The following RIF1 variants were observed in gnomAD, a reference collection of about 807,000 sequenced individuals.
RIF1 encodes telomere-associated protein RIF1.
A neutral mutation model predicts 247.1 loss-of-function variants in RIF1; 45 were observed. The observed-to-expected ratio is 0.18, with a 90% CI of 0.14 to 0.23. The LOEUF (loss-of-function observed/expected upper bound fraction) is 0.23. Ranked by LOEUF, RIF1 falls within the 10% of genes least tolerant of loss-of-function variation. The probability of loss-of-function intolerance (pLI) is 1.00; values close to 1 mark genes in which losing one functional copy is unlikely to be tolerated. For synonymous variants in RIF1, 1,087 were observed against 978.8 expected (o/e 1.11, Z -2.06); for missense variants, 2,967 against 2,862.5 (o/e 1.04, Z -0.83).
intron 15 of RIF1, among the ~76,000 whole-genome samples, chr2:151,440,374 A>T (rs930164300): frequency 2.6e-5 from 4 of 152,224 alleles, no homozygotes; most frequent in Admixed American, 2.0e-4. Context: ...CGCCATACAG[A>T]GAAAAACTAG....
intron 34 of RIF1, among the ~76,000 whole-genome samples, chr2:151,470,097 A>C (rs1574163846): frequency 6.6e-6 from 1 of 152,068 alleles, no homozygotes; most frequent in Non-Finnish European, 1.5e-5. Flanking sequence ...CATGGCTGCT[A>C]CTGCTAAAAC....
At position 151,463,853 on chromosome 2, in the gene RIF1, A is replaced by C. The variant is rs750471628; in HGVS notation, c.4333A>C (p.Lys1445Gln). Reference protein sequence around the residue: ...ENSHQKKERRKEEEKPLQKSP... With the variant: ...ENSHQKKERRQEEEKPLQKSP... ...TAGTCATCAAAAAAAGGAACGACGT[A>C]AGGAAGAAGAAAAACCTCTTCAGAA... Residue 1445 changes from lysine to glutamine, a missense_variant, in exon 30 of 36, where the codon AAG (lysine) becomes CAG (glutamine). Transcript: ENST00000444746. The C allele has an allele frequency of 6.1e-5, 98 of 1,612,456 alleles. No individual in the cohort carries two copies. Among genetic ancestry groups the C allele is most frequent in the Non-Finnish European group, 7.7e-5 (91 of 1,179,716 alleles).
At chr2:151,519,776 C>G in the RIF1 span, 1 of 1,526,718 alleles carries the variant, frequency 6.5e-7, no homozygotes, top group South Asian at 1.1e-5. Context: ...AACCTAACAG[C>G]AAATGCAAAC....
intron 25 of RIF1, among the ~76,000 whole-genome samples, chr2:151,459,237 T>C (rs1695729960): frequency 1.3e-5 from 2 of 152,228 alleles, no homozygotes; most frequent in Non-Finnish European, 2.9e-5. Flanking sequence ...CTGTTCATTT[T>C]CTTATTTTTA....
chr2:151,471,171 TG>T (rs1288586896), intron 34 of RIF1, among the ~76,000 whole-genome samples: 1 of 152,194 alleles, frequency 6.6e-6, no homozygotes, highest in Non-Finnish European at 1.5e-5. Flanking sequence ...TGTGATCTTT[TG>T]TGAATGGCTT....
At chr2:151,419,069 C>G (rs1026877810) in intron 6 of RIF1, among the ~76,000 whole-genome samples, 1 of 150,950 alleles carries the variant, frequency 6.6e-6, no homozygotes, top group Non-Finnish European at 1.5e-5. Context: ...TCTACTGTCT[C>G]CCACCTCCAC....
chr2:151,450,119 G>C (rs1359540572), intron 20 of RIF1, among the ~76,000 whole-genome samples: 1 of 152,048 alleles, frequency 6.6e-6, no homozygotes, highest in African/African-American at 2.4e-5. Flanking sequence ...TGGGATTACA[G>C]GTGTGAGCCA....
rs16830125 is a variant in RIF1, at chr2:151,504,160, A to G, written c.*861+975A>G. ...AGTTTTCAGCCTAAAGGACTGAATGAGTTCTTTTAAATGGATGGATTCCCT... is the reference window on the plus strand; with the variant it reads ...AGTTTTCAGCCTAAAGGACTGAATGGGTTCTTTTAAATGGATGGATTCCCT... On this transcript the variant is annotated intron_variant and NMD_transcript_variant, in intron 12 of 13. Coordinates refer to the RIF1 transcript ENST00000454583. 0.019 allele frequency among the ~76,000 whole-genome samples: 2,859 copies of G among 152,226 alleles called. 151 individuals are homozygous for G. In the East Asian group the frequency reaches 0.19, roughly 10 times the overall value.
intron 3 of RIF1, among the ~76,000 whole-genome samples, chr2:151,411,656 C>T: frequency 6.6e-6 from 1 of 152,184 alleles, no homozygotes; most frequent in East Asian, 1.9e-4. Flanking sequence ...CTGCCTCAGC[C>T]TCCCAAAGTG....
Position 151,503,312 on chromosome 2 carries a change from T to A in RIF1, c.*861+127T>A, listed in dbSNP as rs997022735. 4 of 1,459,588 alleles carry A rather than the reference T, an allele frequency of 2.7e-6. No individual in the cohort carries two copies. The African/African-American group carries it at 5.6e-5, about 21-fold the overall frequency. 90.4% of individuals were successfully genotyped at this position (1,459,588 alleles called of 1,614,324 possible). A position where few individuals can be genotyped will look rare whatever the true frequency, so the allele number is the denominator to read the frequency against. ...ATGGGTTATTGTGGTAAATTTTTTATGGGAAATAGTTTCTTATATGATATA... is the reference window on the plus strand; with the variant it reads ...ATGGGTTATTGTGGTAAATTTTTTAAGGGAAATAGTTTCTTATATGATATA... On this transcript the variant is annotated intron_variant and NMD_transcript_variant, in intron 12 of 13. Transcript: ENST00000454583.
At position 151,420,263 on chromosome 2, in the gene RIF1, G is replaced by A. The variant is rs143079029; in HGVS notation, c.577G>A (p.Val193Ile). The A allele has an allele frequency of 5.3e-4, 849 of 1,614,130 alleles. 5 individuals carry two copies. In the African/African-American group the frequency reaches 0.01, roughly 20 times the overall value. Residue 193 changes from valine to isoleucine, a missense_variant, in exon 7 of 36, where the codon GTT becomes ATT. Physicochemically the swap from Val to Ile is conservative, Grantham distance 29. This residue lies in a region of RIF1 where 269 missense variants were observed against 288.6 expected (regional missense o/e 0.93). Coordinates refer to ENST00000444746, the MANE Select transcript of RIF1 (RefSeq NM_018151.5). ...RWAKLVIPLVVHSAQKVHLRG... is the reference protein window; with the variant it reads ...RWAKLVIPLVIHSAQKVHLRG... ...GGCAAAACTGGTCATACCTTTAGTG[G>A]TTCATTCAGCACAAAAGGTACATTT... is the stretch of plus-strand genomic sequence containing the variant.
chr2:151,442,744 A>G (rs1692553911), intron 16 of RIF1, among the ~76,000 whole-genome samples: 1 of 146,146 alleles, frequency 6.8e-6, no homozygotes, highest in African/African-American at 2.5e-5. Flanking sequence ...GGAAACAGCT[A>G]TGATTAGACT....
At chr2:151,419,564 T>A (rs962557774) in intron 6 of RIF1, among the ~76,000 whole-genome samples, 1 of 152,076 alleles carries the variant, frequency 6.6e-6, no homozygotes, top group African/African-American at 2.4e-5. Flanking sequence ...GACCTCATGA[T>A]CCACCCGCCT....
the RIF1 span, chr2:151,518,439 A>C: frequency 1.4e-6 from 2 of 1,474,966 alleles, no homozygotes; most frequent in Middle Eastern, 1.8e-4. Context: ...GGAAGGCGGC[A>C]AAAAAGGCAC....
At chr2:151,483,690 A>G (rs2049284871), downstream of RIF1, among the ~76,000 whole-genome samples, 1 of 152,188 alleles carries the variant, frequency 6.6e-6, no homozygotes, top group Non-Finnish European at 1.5e-5. Flanking sequence ...GGGTTCCCCA[A>G]CCCACGGGCT....
chr2:151,419,836 GA>G (rs1687876944), intron 6 of RIF1, among the ~76,000 whole-genome samples: 1 of 152,150 alleles, frequency 6.6e-6, no homozygotes, highest in Admixed American at 6.5e-5. Flanking sequence ...CCACCATTGT[GA>G]ATGTGCTGCA....
intron 35 of RIF1, among the ~76,000 whole-genome samples, 188 bp downstream of exon 35, chr2:151,474,260 C>A (rs1399626129): frequency 1.3e-5 from 2 of 152,150 alleles, no homozygotes; most frequent in Non-Finnish European, 2.9e-5. Context: ...GTCAACTTCT[C>A]CATCAAGGTC....
intron 9 of RIF1, among the ~76,000 whole-genome samples, chr2:151,488,699 A>G (rs1325814470): frequency 6.6e-6 from 1 of 152,092 alleles, no homozygotes; most frequent in East Asian, 1.9e-4. Context: ...ACAATTTTGT[A>G]TTTTACATCT....
rs2049164790 is a variant in RIF1 at position 151,481,475 on chromosome 2, A to G, written c.*6404A>G. Reference sequence around the variant, plus strand: ...TTGCTTTCTGCACTACCTCCTGTAGATAGACCTGACTGATAGCACTTACAA... The same window carrying G: ...TTGCTTTCTGCACTACCTCCTGTAGGTAGACCTGACTGATAGCACTTACAA... On this transcript the variant is annotated 3_prime_UTR_variant, in exon 36 of 36. Coordinates refer to ENST00000444746, the MANE Select transcript of RIF1 (RefSeq NM_018151.5). 6.6e-6 allele frequency: 1 copy of G among 152,226 alleles called. No homozygotes were observed. The highest frequency in any genetic ancestry group is 2.4e-5 in the African/African-American group (1 of 41,450). 9.4% of individuals were successfully genotyped at this position (152,226 alleles called of 1,614,324 possible). A position where few individuals can be genotyped will look rare whatever the true frequency, so the allele number is the denominator to read the frequency against.
Sources: allele counts gnomAD v4.1 joint callset (sites outside exome capture counted in the v4.1 genomes callset), GRCh38; gene constraint gnomAD v4.1.1; regional missense constraint gnomAD v4.1.1; transcripts MANE v1.5; gene names NCBI Gene and HGNC (gene_info 2026-07-23, HGNC 2026-07-21).